WDR11: variants seen among roughly 807,000 people sequenced by gnomAD.
WDR11 encodes the protein WD repeat-containing protein 11.
In WDR11, 83 loss-of-function variants were observed where a neutral mutation model predicts 151.2. The observed-to-expected ratio is 0.55, with a 90% CI of 0.46 to 0.66. The LOEUF (loss-of-function observed/expected upper bound fraction) is 0.66. WDR11 is among the 30% of genes least tolerant of loss of function. The pLI is 0.00. For missense variants in WDR11, 1,301 were observed against 1,480.9 expected, an observed-to-expected ratio of 0.88 and a Z score of 1.99; for synonymous variants, 484 against 533.1, an observed-to-expected ratio of 0.91 and a Z score of 1.27.
intron 1 of WDR11, 125 bp downstream of exon 1, chr10:120,851,631 C>A (rs1564932892): frequency 1.7e-6 from 2 of 1,154,004 alleles, no homozygotes; most frequent in South Asian, 1.3e-5. Context: ...CGCCCTCACG[C>A]AATGAGCTTG....
intron 27 of WDR11, 124 bp from the exon 28 acceptor site, chr10:120,906,652 T>G: frequency 6.4e-7 from 1 of 1,571,848 alleles, no homozygotes. Context: ...GAAAAGTGCT[T>G]GTATCTTAAT....
At chr10:120,872,477 G>A (rs1317942651) in intron 10 of WDR11, among the ~76,000 whole-genome samples, 1 of 152,124 alleles carries the variant, frequency 6.6e-6, no homozygotes, top group East Asian at 1.9e-4. Flanking sequence ...TGTAATAAGA[G>A]CTATGGCAAG....
At chr10:120,886,642 C>A (rs911214274) in intron 15 of WDR11, 47 bp from the exon 16 acceptor site, 1 of 1,580,038 alleles carries the variant, frequency 6.3e-7, no homozygotes, top group Non-Finnish European at 8.6e-7. Flanking sequence ...GAGTATCACT[C>A]TAGGGGAAAA....
At position 120,852,591 on chromosome 10, in the gene WDR11, C is replaced by G; in HGVS notation, c.154C>G (p.Gln52Glu). Residue 52 changes from glutamine (Q) to glutamate (E), a missense_variant, in exon 2 of 29, where the codon CAA becomes GAA. Gln to Glu is a conservative substitution (Grantham distance 29). Around this residue, in one of 3 missense-constraint regions of WDR11, gnomAD observed 692 missense variants for 762.5 expected, o/e 0.91. Transcript: ENST00000263461. ...GGTAGTGATTGATTCCATTACTGCC[C>G]AAACTCTTCAAGTTTTAGAAAAGCA... ...LVVVIDSITA[Q>E]TLQVLEKHKA... 1 of 1,613,950 alleles carries G rather than the reference C, an allele frequency of 6.2e-7. No individual in the cohort carries two copies. Among genetic ancestry groups the G allele is most frequent in the Admixed American group, 1.7e-5 (1 of 59,998 alleles).
chr10:120,874,176 G>GGTT (rs777721880), intron 11 of WDR11, among the ~76,000 whole-genome samples: 13 of 83,496 alleles, frequency 1.6e-4, no homozygotes, highest in South Asian at 3.5e-4. Context: ...GGTTTTTGCA[G>GGTT]TTTTTTTTTT....
intron 5 of WDR11, among the ~76,000 whole-genome samples, chr10:120,864,086 C>T (rs545162454): frequency 4.4e-4 from 67 of 152,108 alleles, no homozygotes; most frequent in African/African-American, 1.5e-3. Flanking sequence ...CAAGTAGAAC[C>T]GCTCTGGGTG....
At chr10:120,895,251 TACC>T (rs1216459553) in intron 19 of WDR11, among the ~76,000 whole-genome samples, 1 of 152,314 alleles carries the variant, frequency 6.6e-6, no homozygotes, top group African/African-American at 2.4e-5. Flanking sequence ...TGTGATATAA[TACC>T]AACAACTATC....
At chr10:120,855,138 A>G (rs1845903710) in intron 2 of WDR11, among the ~76,000 whole-genome samples, 1 of 152,230 alleles carries the variant, frequency 6.6e-6, no homozygotes, top group African/African-American at 2.4e-5. Flanking sequence ...ATAACAATAC[A>G]TCAGCATTAC....
At chr10:120,892,397 T>C (rs1288985236) in intron 19 of WDR11, among the ~76,000 whole-genome samples, 1 of 152,226 alleles carries the variant, frequency 6.6e-6, no homozygotes, top group Non-Finnish European at 1.5e-5. Flanking sequence ...TGTGTATTCA[T>C]TCCACAAATT....
At chr10:120,905,799 C>T in intron 26 of WDR11, 77 bp from the exon 27 acceptor site, 1 of 1,612,614 alleles carries the variant, frequency 6.2e-7, no homozygotes, top group Non-Finnish European at 8.5e-7. Context: ...AGAAACAGAT[C>T]TCACTTTAAC....
intron 2 of WDR11, among the ~76,000 whole-genome samples, chr10:120,857,819 A>G (rs1846003171): frequency 6.6e-6 from 1 of 152,244 alleles, no homozygotes; most frequent in Non-Finnish European, 1.5e-5. Context: ...GTCTGAGAAT[A>G]GAAATGCAAA....
At chr10:120,855,807 C>G (rs1408968459) in intron 2 of WDR11, among the ~76,000 whole-genome samples, 2 of 152,036 alleles carry the variant, frequency 1.3e-5, no homozygotes, top group Non-Finnish European at 2.9e-5. Context: ...CTGCAAGTGA[C>G]TGCAGTTTAA....
chr10:120,851,565 G>C, intron 1 of WDR11, 59 bp downstream of exon 1: 1 of 1,571,016 alleles, frequency 6.4e-7, no homozygotes, highest in Non-Finnish European at 8.6e-7. Flanking sequence ...AGGGGGAAGG[G>C]GGAAGGACAA....
intron 19 of WDR11, among the ~76,000 whole-genome samples, chr10:120,896,101 G>A (rs1847606085): frequency 2.6e-5 from 4 of 152,210 alleles, no homozygotes; most frequent in Non-Finnish European, 5.9e-5. Context: ...TCTGCAGAAT[G>A]GAGTAATCTA....
At chr10:120,897,988 A>G (rs1348356428) in intron 19 of WDR11, among the ~76,000 whole-genome samples, 1 of 152,242 alleles carries the variant, frequency 6.6e-6, no homozygotes, top group African/African-American at 2.4e-5. Flanking sequence ...ATTTTTATTT[A>G]ACTACATAGA....
intron 9 of WDR11, among the ~76,000 whole-genome samples, chr10:120,867,919 A>C (rs1320835590): frequency 1.3e-4 from 20 of 152,242 alleles, no homozygotes; most frequent in Admixed American, 1.2e-3. Flanking sequence ...TTATTTAATT[A>C]TGAGGCCAGT....
intron 11 of WDR11, among the ~76,000 whole-genome samples, chr10:120,874,176 G>GTTTTTTTTTTTTTTTTTTTT (rs66873217): frequency 6.0e-5 from 5 of 83,480 alleles, no homozygotes; most frequent in African/African-American, 2.0e-4. Context: ...GGTTTTTGCA[G>GTTTTTTTTTTTTTTTTTTTT]TTTTTTTTTT....
rs1351701677 is a variant in WDR11 at position 120,889,165 on chromosome 10, T to A, written c.2209T>A (p.Leu737Met). Residue 737 changes from leucine (L) to methionine (M), a missense_variant, in exon 17 of 29, where the codon TTG (leucine) becomes ATG (methionine). By Grantham distance (15) the Leu-to-Met change is conservative. This residue lies in a region of WDR11 where 589 missense variants were observed against 670.6 expected (regional missense o/e 0.88). Transcript: ENST00000263461. ...GGATGGAAATTTAAATTTCTGGGAC[T>A]TGAAAGGCAGAGTATCCAGGTATAA... is the stretch of plus-strand genomic sequence containing the variant. ...DMDGNLNFWD[L>M]KGRVSRGIPT... 6.2e-7 allele frequency: 1 copy of A among 1,612,116 alleles called. No homozygotes were observed. Among genetic ancestry groups the A allele is most frequent in the Admixed American group, 1.7e-5 (1 of 60,016 alleles).
Position 120,890,761 on chromosome 10 carries a change from C to G in WDR11, c.2389C>G (p.Arg797Gly). 1 of 1,614,124 alleles carries G rather than the reference C, an allele frequency of 6.2e-7. No homozygotes were observed. The change falls in exon 19 of 29, where the codon CGT becomes GGT. Residue 797 changes from arginine (R) to glycine (G), a missense_variant. Around this residue, in one of 3 missense-constraint regions of WDR11, gnomAD observed 589 missense variants for 670.6 expected, o/e 0.88. Coordinates refer to ENST00000263461, the MANE Select transcript of WDR11 (RefSeq NM_018117.12). ...SLRSGRNVTF[R>G]ILDVDWCTSD... ...AAGAAGTGGCAGAAATGTGACCTTT[C>G]GTATATTGGATGTGGACTGGTGTAC... is the stretch of plus-strand genomic sequence containing the variant.
Sources: gnomAD v4.1 joint callset for allele counts (sites outside exome capture counted in the v4.1 genomes callset) on GRCh38, gnomAD v4.1.1 for gene constraint, gnomAD v4.1.1 regional missense constraint, MANE v1.5 for transcripts, NCBI Gene and HGNC (gene_info 2026-07-23, HGNC 2026-07-21) for gene names.